Variants in ITFG1 observed in about 807,000 individuals in gnomAD.
ITFG1 encodes the protein integrin alpha FG-GAP repeat containing 1, also known as T-cell immunomodulatory protein.
ITFG1 carries 34 observed loss-of-function variants against 81.8 expected under a neutral mutation model. The observed-to-expected ratio is 0.42, with a 90% CI of 0.32 to 0.55. ITFG1 has a LOEUF of 0.55. Ranked by LOEUF, ITFG1 falls within the 20% of genes least tolerant of loss-of-function variation. The probability of loss-of-function intolerance (pLI) is 0.17; values close to 1 mark genes in which losing one functional copy is unlikely to be tolerated. For synonymous variants in ITFG1, 285 were observed against 270.6 expected (o/e 1.05, Z -0.52); for missense variants, 672 against 755.4 (o/e 0.89, Z 1.29).
chr16:47,242,739 AT>A (rs1376961089), intron 12 of ITFG1, among the ~76,000 whole-genome samples: 1 of 152,244 alleles, frequency 6.6e-6, no homozygotes, highest in Non-Finnish European at 1.5e-5. Context: ...GTAGAAAATT[AT>A]ACAATTTCTG....
At chr16:47,316,875 G>A (rs896853399) in intron 8 of ITFG1, among the ~76,000 whole-genome samples, 1 of 152,184 alleles carries the variant, frequency 6.6e-6, no homozygotes, top group Non-Finnish European at 1.5e-5. Context: ...AGATTACAAA[G>A]AAGGGCATGC....
intron 6 of ITFG1, among the ~76,000 whole-genome samples, chr16:47,415,930 C>T (rs986479835): frequency 2.6e-5 from 4 of 152,024 alleles, no homozygotes; most frequent in Admixed American, 1.3e-4. Flanking sequence ...CCCGTCTCTA[C>T]TAAAAATACA....
chr16:47,337,137 C>CAAAAAAA, intron 8 of ITFG1, among the ~76,000 whole-genome samples: 2 of 80,996 alleles, frequency 2.5e-5, no homozygotes, highest in Admixed American at 2.6e-4. Context: ...AACTCTGTCT[C>CAAAAAAA]AAAAAAAAAA....
chr16:47,315,743 G>A (rs1967344332), intron 8 of ITFG1, among the ~76,000 whole-genome samples: 2 of 141,726 alleles, frequency 1.4e-5, no homozygotes. Flanking sequence ...ATCACAAAAT[G>A]TGTTTCTTGT....
intron 8 of ITFG1, among the ~76,000 whole-genome samples, chr16:47,328,117 T>G (rs1176101618): frequency 3.3e-5 from 5 of 152,112 alleles, no homozygotes; most frequent in Non-Finnish European, 5.9e-5. Flanking sequence ...GTGGCACATA[T>G]ACACCATGGA....
intron 6 of ITFG1, among the ~76,000 whole-genome samples, chr16:47,413,715 T>C (rs1007113530): frequency 7.2e-5 from 11 of 152,084 alleles, no homozygotes; most frequent in Non-Finnish European, 1.5e-4. Flanking sequence ...CTGTAGTACA[T>C]AGCCCACAGA....
At chr16:47,419,276 AT>A (rs111618943) in intron 6 of ITFG1, among the ~76,000 whole-genome samples, 2 of 149,612 alleles carry the variant, frequency 1.3e-5, no homozygotes, top group Admixed American at 6.7e-5. Context: ...TTCCTTCTTA[AT>A]TTTTTTTTTG....
At chr16:47,329,260 G>A (rs1967605707) in intron 8 of ITFG1, among the ~76,000 whole-genome samples, 1 of 152,086 alleles carries the variant, frequency 6.6e-6, no homozygotes, top group Non-Finnish European at 1.5e-5. Context: ...GTCATGCTTG[G>A]GGGCAGCAGA....
At chr16:47,421,407 C>T (rs369943154) in intron 6 of ITFG1, among the ~76,000 whole-genome samples, 8 of 152,006 alleles carry the variant, frequency 5.3e-5, no homozygotes, top group South Asian at 2.1e-4. Flanking sequence ...CAGGTTCAAG[C>T]GATTCTCCTG....
intron 17 of ITFG1, among the ~76,000 whole-genome samples, chr16:47,158,531 C>T (rs1415504633): frequency 6.6e-6 from 1 of 152,218 alleles, no homozygotes; most frequent in Non-Finnish European, 1.5e-5. Flanking sequence ...ACATACTGAA[C>T]ACACGTTCAT....
intron 14 of ITFG1, among the ~76,000 whole-genome samples, chr16:47,184,715 G>A (rs1368906564): frequency 9.9e-5 from 15 of 151,852 alleles, no homozygotes; most frequent in East Asian, 9.7e-4. Context: ...AAGAAACTGC[G>A]TCAACTAATG....
chr16:47,214,327 A>G (rs1478261476), intron 14 of ITFG1, among the ~76,000 whole-genome samples: 2 of 152,238 alleles, frequency 1.3e-5, no homozygotes, highest in African/African-American at 4.8e-5. Flanking sequence ...GTAACCACAG[A>G]GGAAAAAGGA....
At chr16:47,225,968 A>T (rs1463057089) in intron 13 of ITFG1, among the ~76,000 whole-genome samples, 3 of 152,122 alleles carry the variant, frequency 2.0e-5, no homozygotes, top group Admixed American at 1.3e-4. Flanking sequence ...CTTTTCTCTT[A>T]CCTGATATAA....
chr16:47,228,105 T>TA (rs1965776388), intron 13 of ITFG1, among the ~76,000 whole-genome samples: 1 of 152,188 alleles, frequency 6.6e-6, no homozygotes, highest in African/African-American at 2.4e-5. Context: ...TGTAAAAAGG[T>TA]ATATTAAATG....
chr16:47,183,946 G>A (rs963394307), intron 14 of ITFG1, among the ~76,000 whole-genome samples: 2 of 152,196 alleles, frequency 1.3e-5, no homozygotes, highest in African/African-American at 4.8e-5. Flanking sequence ...GCTTAAAGGA[G>A]CTGATGGAGC....
intron 14 of ITFG1, among the ~76,000 whole-genome samples, chr16:47,188,219 T>A (rs1490563177): frequency 1.3e-5 from 2 of 151,774 alleles, no homozygotes; most frequent in African/African-American, 4.8e-5. Context: ...TCCTCAGGGA[T>A]CTAGAACTAG....
chr16:47,443,757 G>A (rs930725025), intron 5 of ITFG1, among the ~76,000 whole-genome samples: 3 of 152,070 alleles, frequency 2.0e-5, no homozygotes, highest in African/African-American at 2.4e-5. Flanking sequence ...TTGGGGTGGC[G>A]GGATGGGGGA....
chr16:47,234,181 A>G (rs565654797), intron 13 of ITFG1, among the ~76,000 whole-genome samples: 2 of 152,356 alleles, frequency 1.3e-5, no homozygotes, highest in East Asian at 3.9e-4. Flanking sequence ...ACTTATATAT[A>G]GCAGGCATTT....
intron 12 of ITFG1, among the ~76,000 whole-genome samples, chr16:47,246,835 C>A (rs1036830297): frequency 6.6e-6 from 1 of 152,174 alleles, no homozygotes; most frequent in Non-Finnish European, 1.5e-5. Flanking sequence ...GACAGTCTCA[C>A]TCTGTTGCCC....
Sources: allele counts gnomAD v4.1 joint callset (sites outside exome capture counted in the v4.1 genomes callset), GRCh38; gene constraint gnomAD v4.1.1; transcripts MANE v1.5; gene names NCBI Gene and HGNC (gene_info 2026-07-23, HGNC 2026-07-21).